Variants in GARIN2 observed in about 807,000 individuals in gnomAD.
GARIN2 encodes Golgi-associated RAB2 interactor protein 2.
the GARIN2 span, among the ~76,000 whole-genome samples, chr14:67,194,430 G>A: frequency 6.6e-6 from 1 of 151,942 alleles, no homozygotes; most frequent in South Asian, 2.1e-4. Flanking sequence ...ATACGATGAT[G>A]AGGGGGGCGT....
the GARIN2 span, chr14:67,204,946 G>T: frequency 6.2e-7 from 1 of 1,610,026 alleles, no homozygotes; most frequent in South Asian, 1.1e-5. Flanking sequence ...GGTCCCAGAG[G>T]TCCCGGATGT....
chr14:67,193,982 A>T, the GARIN2 span, among the ~76,000 whole-genome samples: 2 of 151,254 alleles, frequency 1.3e-5, no homozygotes, highest in Non-Finnish European at 2.9e-5. Context: ...CAAAAAAAAA[A>T]ACAGAAAGAA....
chr14:67,211,818 C>T, the GARIN2 span, among the ~76,000 whole-genome samples: 10 of 151,770 alleles, frequency 6.6e-5, no homozygotes, highest in African/African-American at 9.7e-5. Flanking sequence ...CACTCCAGCC[C>T]GGGTGATGGA....
At chr14:67,222,020 A>C in the GARIN2 span, 1 of 559,554 alleles carries the variant, frequency 1.8e-6, no homozygotes, top group East Asian at 3.1e-5. Context: ...AGTGGAAAAC[A>C]TTATGGTACT....
the GARIN2 span, chr14:67,221,874 T>C: frequency 5.0e-6 from 8 of 1,584,986 alleles, no homozygotes; most frequent in Admixed American, 1.8e-5. Flanking sequence ...CTCTGGTTCC[T>C]AGAAGAGTAG....
the GARIN2 span, chr14:67,199,357 G>T: frequency 6.2e-7 from 1 of 1,614,006 alleles, no homozygotes; most frequent in East Asian, 2.2e-5. Flanking sequence ...TGGATGTAGG[G>T]GCCAACATTT....
chr14:67,199,769 A>G, the GARIN2 span: 21 of 1,538,362 alleles, frequency 1.4e-5, no homozygotes, highest in Non-Finnish European at 1.9e-5. Flanking sequence ...TCCACCAGGC[A>G]TGCCTCCTCC....
At chr14:67,193,559 CTA>C in the GARIN2 span, among the ~76,000 whole-genome samples, 1 of 139,594 alleles carries the variant, frequency 7.2e-6, no homozygotes, top group Non-Finnish European at 1.5e-5. Context: ...ATATATAGAT[CTA>C]TATCTATATA....
chr14:67,226,720 A>G, the GARIN2 span, among the ~76,000 whole-genome samples: 7 of 152,162 alleles, frequency 4.6e-5, no homozygotes, highest in African/African-American at 1.7e-4. Flanking sequence ...AAGGTAATGG[A>G]CCAGAGGAGA....
the GARIN2 span, among the ~76,000 whole-genome samples, chr14:67,213,756 G>T: frequency 6.6e-6 from 1 of 152,206 alleles, no homozygotes; most frequent in East Asian, 1.9e-4. Flanking sequence ...TTCCACAAGG[G>T]TTGAACTAGT....
At chr14:67,215,599 C>T in the GARIN2 span, among the ~76,000 whole-genome samples, 11 of 151,964 alleles carry the variant, frequency 7.2e-5, no homozygotes, top group South Asian at 2.1e-4. Context: ...GAAAGGGATA[C>T]GGGAATATAA....
At chr14:67,209,480 T>A in the GARIN2 span, among the ~76,000 whole-genome samples, 7 of 152,092 alleles carry the variant, frequency 4.6e-5, no homozygotes, top group African/African-American at 7.2e-5. Context: ...TAAATCATTT[T>A]AAAAAAATAA....
chr14:67,199,371 A>T, the GARIN2 span: 2 of 1,614,072 alleles, frequency 1.2e-6, no homozygotes, highest in Non-Finnish European at 8.5e-7. Flanking sequence ...AACATTTTCA[A>T]TGGGAACCTG....
the GARIN2 span, among the ~76,000 whole-genome samples, chr14:67,218,004 G>A: frequency 2.0e-5 from 3 of 152,116 alleles, no homozygotes; most frequent in African/African-American, 7.2e-5. Flanking sequence ...TTGGTTCTAA[G>A]TGGATGCAAC....
the GARIN2 span, among the ~76,000 whole-genome samples, chr14:67,207,334 A>G: frequency 6.6e-6 from 1 of 152,076 alleles, no homozygotes; most frequent in Admixed American, 6.6e-5. Flanking sequence ...GGCCAGAGAG[A>G]GAGCAAAAGA....
the GARIN2 span, among the ~76,000 whole-genome samples, chr14:67,191,254 T>C: frequency 1.3e-5 from 2 of 152,208 alleles, no homozygotes; most frequent in Non-Finnish European, 2.9e-5. Flanking sequence ...AGCCATCATG[T>C]AATTACAGAC....
chr14:67,199,572 C>G, the GARIN2 span: 1 of 1,597,680 alleles, frequency 6.3e-7, no homozygotes, highest in African/African-American at 1.3e-5. Context: ...TGTAACCACC[C>G]TATCACCGTA....
chr14:67,221,869 G>T, the GARIN2 span: 8 of 1,590,678 alleles, frequency 5.0e-6, no homozygotes, highest in East Asian at 1.8e-4. Flanking sequence ...GTCATCTCTG[G>T]TTCCTAGAAG....
chr14:67,193,583 A>ATG, the GARIN2 span, among the ~76,000 whole-genome samples: 5 of 145,290 alleles, frequency 3.4e-5, no homozygotes, highest in Admixed American at 1.4e-4. Flanking sequence ...ATCTATATAT[A>ATG]GATATAGATA....
Sources: allele counts gnomAD v4.1 joint callset (sites outside exome capture counted in the v4.1 genomes callset), GRCh38; gene constraint gnomAD v4.1.1; transcripts MANE v1.5; gene names NCBI Gene and HGNC (gene_info 2026-07-23, HGNC 2026-07-21).